Variants in PSG2 observed in about 807,000 individuals in gnomAD.
PSG2 encodes the protein pregnancy-specific beta-1-glycoprotein 2.
A neutral mutation model predicts 36.2 loss-of-function variants in PSG2; 49 were observed. The observed-to-expected ratio is 1.35, with a 90% CI of 1.08 to 1.72. The LOEUF (loss-of-function observed/expected upper bound fraction) is 1.72, where lower values mean the gene tolerates loss of function less well. Among genes scored for constraint, PSG2 ranks in the 40% most tolerant of loss-of-function variants. PSG2 has a pLI of 0.00. For missense variants in PSG2, 605 were observed against 407.2 expected, an observed-to-expected ratio of 1.49 and a Z score of -4.18; for synonymous variants, 261 against 155.6, an observed-to-expected ratio of 1.68 and a Z score of -5.04.
chr19:43,071,143 A>C (rs1010209985), intron 4 of PSG2, among the ~76,000 whole-genome samples: 29 of 151,346 alleles, frequency 1.9e-4, no homozygotes, highest in Admixed American at 2.0e-4. Context: ...GACAGTCCAC[A>C]AGGGGTCTTT....
intron 4 of PSG2, among the ~76,000 whole-genome samples, chr19:43,067,924 C>T (rs1967763625): frequency 6.6e-6 from 1 of 151,106 alleles, no homozygotes; most frequent in Non-Finnish European, 1.5e-5. Context: ...TACTTTAATA[C>T]TTCAGGATAT....
At chr19:43,079,987 G>T (rs1310835515) in intron 2 of PSG2, among the ~76,000 whole-genome samples, 1 of 151,700 alleles carries the variant, frequency 6.6e-6, no homozygotes, top group South Asian at 2.1e-4. Flanking sequence ...AAGCTAAATG[G>T]CAAATGGACT....
intron 3 of PSG2, 112 bp downstream of exon 3, chr19:43,075,242 C>G: frequency 6.2e-7 from 1 of 1,602,932 alleles, no homozygotes; most frequent in Non-Finnish European, 8.5e-7. Flanking sequence ...AGCTTTGATG[C>G]CTAGGGGTAA....
At position 43,068,764 on chromosome 19, in the gene PSG2, C is replaced by T. The variant is rs189669673; in HGVS notation, c.965-2164G>A. ...TGAAAAACCCAATGGTAACATCATA[C>T]TTAACGGAGAAAGACTGAAAGCTTT... On this transcript the variant is annotated intron_variant, in intron 4 of 5. Transcript: ENST00000406487. 4.9e-3 allele frequency among the ~76,000 whole-genome samples: 747 copies of T among 151,746 alleles called. 26 individuals carry two copies. Among genetic ancestry groups the T allele is most frequent in the African/African-American group, 0.018 (723 of 41,174 alleles).
chr19:43,079,821 G>T (rs191081799), intron 2 of PSG2, among the ~76,000 whole-genome samples: 2 of 151,732 alleles, frequency 1.3e-5, no homozygotes, highest in African/African-American at 2.4e-5. Flanking sequence ...ATGACATGGG[G>T]TCCTTGGGAC....
intron 4 of PSG2, among the ~76,000 whole-genome samples, chr19:43,069,727 A>G (rs768592178): frequency 4.0e-4 from 61 of 151,724 alleles, no homozygotes; most frequent in Non-Finnish European, 6.2e-4. Flanking sequence ...ATCTAAATGT[A>G]AGAGCAAAAA....
intron 5 of PSG2, chr19:43,065,519 G>T (rs959785853): frequency 2.0e-5 from 3 of 151,612 alleles, no homozygotes; most frequent in African/African-American, 7.3e-5. Context: ...GAACTAATGG[G>T]TGGGGCTTGA....
intron 4 of PSG2, among the ~76,000 whole-genome samples, chr19:43,071,023 C>T (rs1190227538): frequency 6.6e-6 from 1 of 151,634 alleles, no homozygotes; most frequent in African/African-American, 2.4e-5. Flanking sequence ...ACTTCAGAGC[C>T]AGGACCAGGC....
At chr19:43,067,240 T>A (rs571220381) in intron 4 of PSG2, among the ~76,000 whole-genome samples, 1 of 151,444 alleles carries the variant, frequency 6.6e-6, no homozygotes, top group Admixed American at 6.6e-5. Flanking sequence ...GTCTGTGGGT[T>A]CTCCCATACT....
At position 43,071,918 on chromosome 19, in the gene PSG2, G is replaced by T. The variant is rs144003252; in HGVS notation, c.746C>A (p.Thr249Asn). 136 of 1,612,710 alleles carry T rather than the reference G, an allele frequency of 8.4e-5. 4 individuals are homozygous for T. In the Admixed American group the frequency reaches 8.7e-4, roughly 10 times the overall value. ...GAGGTTATCTCCTGAACGGTAATTGGTGTATGAAGGGTGAATTCTGGGGAG... is the reference window on the plus strand; with the variant it reads ...GAGGTTATCTCCTGAACGGTAATTGTTGTATGAAGGGTGAATTCTGGGGAG... Reference protein sequence around the residue: ...PDLPRIHPSYTNYRSGDNLYL... With the variant: ...PDLPRIHPSYNNYRSGDNLYL... Residue 249 changes from threonine (T) to asparagine (N), a missense_variant, in exon 4 of 6, where the codon ACC (threonine) becomes AAC (asparagine). Coordinates refer to ENST00000406487, the MANE Select transcript of PSG2 (RefSeq NM_031246.4).
chr19:43,080,483 G>C (rs944591115), intron 2 of PSG2, among the ~76,000 whole-genome samples: 5 of 151,808 alleles, frequency 3.3e-5, no homozygotes, highest in East Asian at 3.9e-4. Flanking sequence ...TTAGGGACAG[G>C]GTTTGGAGGT....
In PSG2 at chr19:43,076,698, G is replaced by A. The variant is rs1009892461; in HGVS notation, c.431-1066C>T. On this transcript the variant is annotated intron_variant, in intron 2 of 5. Transcript: ENST00000406487. ...CAGGGGAATAGGGCGTTGTTCTGTG[G>A]GTGTGCGGTTCCAGTTATGCAGGAT... 1.3e-5 allele frequency among the ~76,000 whole-genome samples: 2 copies of A among 151,638 alleles called. 1 individual carries two copies. The highest frequency in any genetic ancestry group is 2.9e-5 in the Non-Finnish European group (2 of 67,972).
intron 4 of PSG2, among the ~76,000 whole-genome samples, chr19:43,071,161 C>G (rs528440571): frequency 1.8e-4 from 27 of 151,630 alleles, no homozygotes; most frequent in East Asian, 1.9e-4. Flanking sequence ...TTTCTCCACA[C>G]ATGCTGGTCC....
In PSG2 at chr19:43,080,884, A is replaced by G. The variant is rs774584260; in HGVS notation, c.427T>C (p.Tyr143His). 5.0e-6 allele frequency: 8 copies of G among 1,612,102 alleles called. No individual in the cohort carries two copies. Among genetic ancestry groups the G allele is most frequent in the Non-Finnish European group, 6.8e-6 (8 of 1,179,194 alleles). Reference protein sequence around the residue: ...GVTGYFTFTLYLETPKPSISS... With the variant: ...GVTGYFTFTLHLETPKPSISS... ...GGGATCATGTGGAATCACTTACGGT[A>G]TAAGGTGAAGGTGAAATATCCAGTT... Residue 143 changes from tyrosine to histidine, a missense_variant, in exon 2 of 6, where the codon TAC becomes CAC. Coordinates refer to ENST00000406487, the MANE Select transcript of PSG2 (RefSeq NM_031246.4).
intron 3 of PSG2, among the ~76,000 whole-genome samples, chr19:43,073,637 G>T (rs1040096792): frequency 1.3e-5 from 2 of 151,682 alleles, no homozygotes; most frequent in African/African-American, 4.9e-5. Flanking sequence ...GGATTCCAGA[G>T]TGAATATGAG....
intron 2 of PSG2, among the ~76,000 whole-genome samples, chr19:43,076,023 G>A (rs971963001): frequency 1.3e-5 from 2 of 151,620 alleles, no homozygotes; most frequent in African/African-American, 4.9e-5. Context: ...TTTGCCCCCT[G>A]AGGTATGTTT....
In PSG2 at chr19:43,082,628, C is replaced by T; in HGVS notation, c.-59G>A. 1 of 1,592,618 alleles carries T rather than the reference C, an allele frequency of 6.3e-7. No individual in the cohort carries two copies. Among genetic ancestry groups the T allele is most frequent in the South Asian group, 1.1e-5 (1 of 90,254 alleles). On this transcript the variant is annotated 5_prime_UTR_variant, in exon 1 of 6. Transcript: ENST00000406487. ...GATGAGCCTAGGATCCAGAAACTTC[C>T]TGAGCACGGCTGTCAGCTGTGCTGT...
At chr19:43,080,671 G>C (rs1440170804) in intron 2 of PSG2, among the ~76,000 whole-genome samples, 2 of 151,568 alleles carry the variant, frequency 1.3e-5, no homozygotes, top group Non-Finnish European at 2.9e-5. Flanking sequence ...CCTCTGCAGC[G>C]AGTGTCTGCA....
At chr19:43,080,200 C>T (rs865890657) in intron 2 of PSG2, among the ~76,000 whole-genome samples, 2 of 151,776 alleles carry the variant, frequency 1.3e-5, no homozygotes, top group South Asian at 4.1e-4. Flanking sequence ...GGACATTAGA[C>T]TTCCTATGGA....
Sources: gnomAD v4.1 joint callset for allele counts (sites outside exome capture counted in the v4.1 genomes callset) on GRCh38, gnomAD v4.1.1 for gene constraint, MANE v1.5 for transcripts, NCBI Gene and HGNC (gene_info 2026-07-23, HGNC 2026-07-21) for gene names.